TMEM207: variants seen among roughly 807,000 people sequenced by gnomAD.
The protein encoded by TMEM207 is SRSR846.
A neutral mutation model predicts 17.4 loss-of-function variants in TMEM207; 15 were observed. That is an observed-to-expected ratio of 0.86 (90% confidence interval 0.58 to 1.33). The LOEUF (loss-of-function observed/expected upper bound fraction) is 1.33, where lower values mean the gene tolerates loss of function less well. Ranked by LOEUF, TMEM207 falls within the 40% of genes most tolerant of loss-of-function variation. The probability of loss-of-function intolerance (pLI) is 0.00; values close to 1 mark genes in which losing one functional copy is unlikely to be tolerated. For missense variants in TMEM207, 205 were observed against 173.8 expected, an observed-to-expected ratio of 1.18 and a Z score of -1.01; for synonymous variants, 70 against 65.6, an observed-to-expected ratio of 1.07 and a Z score of -0.33.
intron 4 of TMEM207, among the ~76,000 whole-genome samples, chr3:190,433,694 A>G (rs1719739808): frequency 6.6e-6 from 1 of 152,106 alleles, no homozygotes; most frequent in Non-Finnish European, 1.5e-5. Context: ...TCCACATTTG[A>G]GAGGGGGGAG....
chr3:190,445,423 G>C (rs1720023600), intron 2 of TMEM207, among the ~76,000 whole-genome samples: 2 of 152,184 alleles, frequency 1.3e-5, no homozygotes. Flanking sequence ...GCAAAGCTTT[G>C]TTCATGTTAA....
Position 190,431,516 on chromosome 3 carries a change from C to T in TMEM207, c.305-1785G>A, listed in dbSNP as rs1031568048. 3.3e-5 allele frequency among the ~76,000 whole-genome samples: 5 copies of T among 150,704 alleles called. No individual in the cohort carries two copies. The South Asian group carries it at 1.1e-3, about 32-fold the overall frequency. On this transcript the variant is annotated intron_variant, in intron 4 of 4. Coordinates refer to ENST00000354905, the MANE Select transcript of TMEM207 (RefSeq NM_207316.3). ...ATGAAAAGTATCATGGAGTTAGAGC[C>T]CTTTGCAGTTTATAAGTTTGGGTTG...
chr3:190,440,477 ACT>A (rs1719907148), intron 3 of TMEM207, 88 bp from the exon 4 acceptor site: 1 of 1,227,416 alleles, frequency 8.1e-7, no homozygotes, highest in African/African-American at 1.5e-5. Context: ...TGGGGTGAAG[ACT>A]CAGCTAGACT....
At chr3:190,432,017 C>T (rs1309792546) in intron 4 of TMEM207, among the ~76,000 whole-genome samples, 1 of 152,034 alleles carries the variant, frequency 6.6e-6, no homozygotes, top group African/African-American at 2.4e-5. Context: ...TGATTGGATG[C>T]TGGGGAGGAC....
chr3:190,437,141 C>T (rs1422025104), intron 4 of TMEM207, among the ~76,000 whole-genome samples: 1 of 152,110 alleles, frequency 6.6e-6, no homozygotes, highest in East Asian at 1.9e-4. Context: ...GAAGTTAAAC[C>T]AGTGGAATTG....
chr3:190,434,181 GAT>G (rs1181544426), intron 4 of TMEM207, among the ~76,000 whole-genome samples: 1 of 152,032 alleles, frequency 6.6e-6, no homozygotes, highest in Non-Finnish European at 1.5e-5. Flanking sequence ...TCACTTAGGA[GAT>G]ATTCTGAAGG....
At chr3:190,442,310 A>T (rs1470648215) in intron 2 of TMEM207, among the ~76,000 whole-genome samples, 1 of 152,222 alleles carries the variant, frequency 6.6e-6, no homozygotes, top group African/African-American at 2.4e-5. Context: ...TCACAGTCAG[A>T]TACACTTCTG....
rs146439694 is a variant in TMEM207, at chr3:190,447,590, G to T, written c.113+200C>A. 2.8e-3 allele frequency among the ~76,000 whole-genome samples: 419 copies of T among 152,032 alleles called. 3 individuals carry two copies. The highest frequency in any genetic ancestry group is 9.3e-3 in the African/African-American group (386 of 41,458). On this transcript the variant is annotated intron_variant, in intron 2 of 4. Coordinates refer to ENST00000354905, the MANE Select transcript of TMEM207 (RefSeq NM_207316.3). Reference sequence around the variant, plus strand: ...CTAGGCCTCTTATTTATTTAACAAAGCTGATCGTAATGAAAATTATCTTTC... The same window carrying T: ...CTAGGCCTCTTATTTATTTAACAAATCTGATCGTAATGAAAATTATCTTTC...
intron 4 of TMEM207, among the ~76,000 whole-genome samples, chr3:190,430,214 A>G (rs1340599710): frequency 6.6e-6 from 1 of 152,152 alleles, no homozygotes; most frequent in East Asian, 1.9e-4. Flanking sequence ...CTCGGTGATG[A>G]AAGCACGCAT....
intron 4 of TMEM207, among the ~76,000 whole-genome samples, chr3:190,432,740 A>G (rs1275684877): frequency 6.6e-6 from 1 of 152,144 alleles, no homozygotes; most frequent in Non-Finnish European, 1.5e-5. Context: ...CCCAGCTCAG[A>G]GCACTCATAC....
chr3:190,443,354 ATT>A (rs11343024), intron 2 of TMEM207, among the ~76,000 whole-genome samples: 11 of 149,772 alleles, frequency 7.3e-5, no homozygotes, highest in African/African-American at 2.7e-4. Context: ...AAGGCCCTCT[ATT>A]TTTTTTTCTT....
chr3:190,435,931 T>G (rs1263468473), intron 4 of TMEM207, among the ~76,000 whole-genome samples: 1 of 152,220 alleles, frequency 6.6e-6, no homozygotes, highest in Non-Finnish European at 1.5e-5. Flanking sequence ...GTATTTCTAA[T>G]CAGAATAACT....
intron 4 of TMEM207, among the ~76,000 whole-genome samples, chr3:190,435,554 A>T (rs900174792): frequency 6.6e-6 from 1 of 152,184 alleles, no homozygotes; most frequent in African/African-American, 2.4e-5. Context: ...TCTGAAGGGT[A>T]AAGATCTTCC....
chr3:190,443,145 C>CTTTTTTTTTTTTTTTTTTTTTTT (rs201791052), intron 2 of TMEM207, among the ~76,000 whole-genome samples: 4 of 140,334 alleles, frequency 2.9e-5, no homozygotes, highest in Non-Finnish European at 4.7e-5. Context: ...ATTAAAAAAG[C>CTTTTTTTTTTTTTTTTTTTTTTT]TTTTTTTTTT....
intron 4 of TMEM207, among the ~76,000 whole-genome samples, chr3:190,437,792 T>C (rs572164151): frequency 6.6e-6 from 1 of 151,822 alleles, no homozygotes; most frequent in Non-Finnish European, 1.5e-5. Flanking sequence ...TAAAGACACA[T>C]GCACACGTAT....
At chr3:190,444,746 G>A (rs1720008478) in intron 2 of TMEM207, among the ~76,000 whole-genome samples, 2 of 152,040 alleles carry the variant, frequency 1.3e-5, no homozygotes. Flanking sequence ...TCCTGGCATC[G>A]AAACCAGAGA....
intron 2 of TMEM207, among the ~76,000 whole-genome samples, chr3:190,447,132 G>A (rs1292527414): frequency 2.0e-5 from 3 of 152,030 alleles, no homozygotes; most frequent in Non-Finnish European, 4.4e-5. Flanking sequence ...AATGAAGACT[G>A]AAAACAGCTG....
At chr3:190,442,035 G>A (rs1008562681) in intron 2 of TMEM207, among the ~76,000 whole-genome samples, 9 of 152,192 alleles carry the variant, frequency 5.9e-5, no homozygotes, top group African/African-American at 2.2e-4. Context: ...GGAGTTAGAA[G>A]TTGACTCCTT....
intron 4 of TMEM207, among the ~76,000 whole-genome samples, chr3:190,431,558 C>T (rs373273549): frequency 1.4e-4 from 21 of 152,068 alleles, no homozygotes; most frequent in African/African-American, 4.6e-4. Flanking sequence ...GATAAGTCTG[C>T]GGGACTTGAT....
Sources: gnomAD v4.1 joint callset for allele counts (sites outside exome capture counted in the v4.1 genomes callset) on GRCh38, gnomAD v4.1.1 for gene constraint, MANE v1.5 for transcripts, NCBI Gene and HGNC (gene_info 2026-07-23, HGNC 2026-07-21) for gene names.